The following AS3MT variants were observed in gnomAD, a reference collection of about 807,000 sequenced individuals.
AS3MT encodes the protein S-adenosyl-L-methionine:arsenic(III) methyltransferase.
Under a neutral mutation model 45.3 loss-of-function variants are expected in AS3MT, and 47 were observed. The observed-to-expected ratio is 1.04, with a 90% confidence interval of 0.82 to 1.32. AS3MT has a LOEUF of 1.32. AS3MT is among the 40% of genes most tolerant of loss of function. The pLI, the probability that AS3MT is intolerant of heterozygous loss-of-function variation, is 0.00. For synonymous variants in AS3MT, 141 were observed against 152.8 expected, an observed-to-expected ratio of 0.92 and a Z score of 0.57; for missense variants, 396 against 451.1, an observed-to-expected ratio of 0.88 and a Z score of 1.11.
At chr10:102,877,190 G>C (rs1349662928) in intron 7 of AS3MT, among the ~76,000 whole-genome samples, 155 bp downstream of exon 7, 2 of 152,210 alleles carry the variant, frequency 1.3e-5, no homozygotes, top group Non-Finnish European at 2.9e-5. Context: ...AAAGTGATAG[G>C]GCTTTGGATA....
rs534834638 is a variant in AS3MT at position 102,873,373 on chromosome 10, C to T, written c.458+140C>T. The T allele has an allele frequency of 5.9e-5, 33 of 561,672 alleles. No individual in the cohort carries two copies. In the South Asian group the frequency reaches 1.0e-3, roughly 18 times the overall value. The allele number at this position is 561,672 out of a possible 1,614,324, so 34.8% of individuals were successfully genotyped here. On this transcript the variant is annotated intron_variant, in intron 5 of 10. Transcript: ENST00000369880. ...TCAGCTCACGATAACCTCTGCCTCC[C>T]GGGTTCAACTGATTCTCTTGCCTCA...
chr10:102,882,084 T>C (rs1590223108), intron 9 of AS3MT, among the ~76,000 whole-genome samples: 3 of 151,968 alleles, frequency 2.0e-5, no homozygotes. Flanking sequence ...GGACTACAGG[T>C]GCCCGCCACC....
chr10:102,872,490 C>G lies in AS3MT; in HGVS notation c.213C>G (p.Asn71Lys). The G allele has an allele frequency of 6.2e-7, 1 of 1,614,112 alleles. No individual in the cohort carries two copies. Among genetic ancestry groups the G allele is most frequent in the South Asian group, 1.1e-5 (1 of 91,082 alleles). ...CGLVIPEHLENCWILDLGSGS... is the reference protein window; with the variant it reads ...CGLVIPEHLEKCWILDLGSGS... ...TGGTGATCCCTGAGCATCTAGAAAA[C>G]TGCTGGATTTTGGATCTGGGTAGTG... The change falls in exon 4 of 11, where the codon AAC (asparagine) becomes AAG (lysine). Residue 71 changes from asparagine to lysine, a missense_variant. Physicochemically the swap from Asn to Lys is moderately conservative, Grantham distance 94. Transcript: ENST00000369880.
At chr10:102,870,704 C>T (rs542033208) in intron 3 of AS3MT, among the ~76,000 whole-genome samples, 10 of 152,290 alleles carry the variant, frequency 6.6e-5, no homozygotes, top group Admixed American at 4.6e-4. Flanking sequence ...CCTTTTGACC[C>T]TTCCCTTCCT....
Position 102,900,775 on chromosome 10 carries a change from G to C in AS3MT, c.*75G>C. ...GTTTTTTAACCTGCTTTTCCCCATA[G>C]CACAGACCATAAGAAACAACAAATG... On this transcript the variant is annotated 3_prime_UTR_variant, in exon 11 of 11. Coordinates refer to ENST00000369880, the MANE Select transcript of AS3MT (RefSeq NM_020682.4). 1 of 1,177,138 alleles carries C rather than the reference G, an allele frequency of 8.5e-7. No individual in the cohort carries two copies. Among genetic ancestry groups the C allele is most frequent in the Non-Finnish European group, 1.3e-6 (1 of 791,202 alleles). 72.9% of individuals were successfully genotyped at this position (1,177,138 alleles called of 1,614,324 possible).
intron 5 of AS3MT, 86 bp from the exon 6 acceptor site, chr10:102,874,506 T>C: frequency 1.0e-6 from 1 of 988,242 alleles, no homozygotes; most frequent in Non-Finnish European, 1.6e-6. Context: ...GACAGAACGG[T>C]GGGAACCACC....
chr10:102,895,001 T>G (rs1479359660), intron 10 of AS3MT, among the ~76,000 whole-genome samples: 1 of 152,234 alleles, frequency 6.6e-6, no homozygotes, highest in African/African-American at 2.4e-5. Flanking sequence ...GCAGATCTCC[T>G]GAGGGCTGTG....
At chr10:102,890,374 G>A (rs1207676267) in intron 9 of AS3MT, among the ~76,000 whole-genome samples, 170 bp from the exon 10 acceptor site, 2 of 152,026 alleles carry the variant, frequency 1.3e-5, no homozygotes, top group African/African-American at 4.8e-5. Context: ...AATTTTTTGA[G>A]GAATCTCCAT....
At chr10:102,876,860 TA>T in intron 6 of AS3MT, 93 bp from the exon 7 acceptor site, 1 of 1,261,782 alleles carries the variant, frequency 7.9e-7, no homozygotes, top group Non-Finnish European at 1.1e-6. Flanking sequence ...TATTGATTTT[TA>T]AATTTGATTT....
chr10:102,871,480 G>C (rs1311689996), intron 3 of AS3MT, among the ~76,000 whole-genome samples: 1 of 147,130 alleles, frequency 6.8e-6, no homozygotes, highest in Non-Finnish European at 1.5e-5. Context: ...CCGGGAGGCG[G>C]AGCTTGCAGT....
chr10:102,890,658 T>C lies in AS3MT; in HGVS notation c.1000T>C (p.Cys334Arg), dbSNP rs1343663349. 3 of 1,612,158 alleles carry C rather than the reference T, an allele frequency of 1.9e-6. No homozygotes were observed. The highest frequency in any genetic ancestry group is 2.5e-6 in the Non-Finnish European group (3 of 1,179,522). The change falls in exon 10 of 11, where the codon TGT (cysteine) becomes CGT (arginine). Residue 334 changes from cysteine to arginine, a missense_variant. By Grantham distance (180) the Cys-to-Arg change is radical (BLOSUM62 -3). Transcript: ENST00000369880. ...IGEKLPTSGG[C>R]SALELKDIIT... ...AGAGAAGTTGCCAACATCTGGAGGC[T>C]GTTCTGCTTTGGAGTTAAAGGTTAG...
At position 102,872,691 on chromosome 10, in the gene AS3MT, T is replaced by C. The variant is rs941234755; in HGVS notation, c.321+93T>C. The stretch of plus-strand genomic sequence containing the variant: ...TTTCTTCGTGGCTCTTCAAGGATAA[T>C]TTAAGAAAGCTTCTAGTTAGCAATG... On this transcript the variant is annotated intron_variant, in intron 4 of 10. Transcript: ENST00000369880. 8 of 1,375,790 alleles carry C rather than the reference T, an allele frequency of 5.8e-6. No individual in the cohort carries two copies. In the Admixed American group the frequency reaches 7.8e-5, roughly 13 times the overall value. 85.2% of individuals were successfully genotyped at this position (1,375,790 alleles called of 1,614,324 possible).
intron 7 of AS3MT, 38 bp downstream of exon 7, chr10:102,877,073 G>A (rs574817310): frequency 1.3e-6 from 2 of 1,571,092 alleles, no homozygotes; most frequent in Non-Finnish European, 1.8e-6. Flanking sequence ...AAGGCAGATG[G>A]TTGTACATGT....
intron 10 of AS3MT, among the ~76,000 whole-genome samples, chr10:102,897,573 C>G (rs1300446543): frequency 6.6e-6 from 1 of 150,982 alleles, no homozygotes; most frequent in African/African-American, 2.4e-5. Context: ...TCAAACAATT[C>G]TCCTGCCTCA....
intron 9 of AS3MT, among the ~76,000 whole-genome samples, chr10:102,880,410 G>A (rs1844854786): frequency 6.6e-6 from 1 of 151,992 alleles, no homozygotes. Context: ...GAGAGATTAT[G>A]GCACCAAAAC....
rs958619779 is a variant in AS3MT, at chr10:102,877,702, A to C, written c.610+667A>C. Among the ~76,000 whole-genome samples, 7 of 148,750 alleles carry C rather than the reference A, an allele frequency of 4.7e-5. No individual in the cohort carries two copies. In the Admixed American group the frequency reaches 4.7e-4, roughly 10 times the overall value. ...AGCCTGGGTGTCATAGTAAAACCCTATCTCTTAAAAAAATTACTTATAATC... is the reference window on the plus strand; with the variant it reads ...AGCCTGGGTGTCATAGTAAAACCCTCTCTCTTAAAAAAATTACTTATAATC... On this transcript the variant is annotated intron_variant, in intron 7 of 10. Transcript: ENST00000369880.
intron 9 of AS3MT, among the ~76,000 whole-genome samples, chr10:102,886,056 C>T (rs987461818): frequency 2.0e-5 from 3 of 151,980 alleles, no homozygotes; most frequent in Non-Finnish European, 4.4e-5. Context: ...TTTGAGTCTT[C>T]TTTTTTTCTT....
In AS3MT at chr10:102,877,018, C is replaced by A. The variant is rs556211745; in HGVS notation, c.593C>A (p.Thr198Lys). 3.1e-6 allele frequency: 5 copies of A among 1,614,064 alleles called. No individual in the cohort carries two copies. In the African/African-American group the frequency reaches 6.7e-5, roughly 22 times the overall value. The change falls in exon 7 of 11, where the codon ACA (threonine) becomes AAA (lysine). Residue 198 changes from threonine to lysine, a missense_variant. By Grantham distance (78) the Thr-to-Lys change is moderately conservative. Transcript: ENST00000369880. ...CTTGAACTGCCAGAAGAAATCAGGA[C>A]ACACAAAGTTTTATGGGGTAGGTGA... ...TSLELPEEIR[T>K]HKVLWGECLG...
At chr10:102,886,594 A>G (rs1844961638) in intron 9 of AS3MT, among the ~76,000 whole-genome samples, 1 of 151,872 alleles carries the variant, frequency 6.6e-6, no homozygotes, top group African/African-American at 2.4e-5. Flanking sequence ...CTGGGATTAC[A>G]GGTGTTAGCC....
Sources: gnomAD v4.1 joint callset for allele counts (sites outside exome capture counted in the v4.1 genomes callset) on GRCh38, gnomAD v4.1.1 for gene constraint, MANE v1.5 for transcripts, NCBI Gene and HGNC (gene_info 2026-07-23, HGNC 2026-07-21) for gene names.